The following SH3TC2 variants were observed in gnomAD, a reference collection of about 807,000 sequenced individuals.
SH3TC2 encodes SH3 domain and tetratricopeptide repeat-containing protein 2.
SH3TC2 carries 87 observed loss-of-function variants against 124.5 expected under a neutral mutation model. The ratio of observed to expected loss-of-function variants is 0.70; its 90% CI spans 0.59 to 0.84. The LOEUF is 0.84. Ranked by LOEUF, SH3TC2 falls within the 40% of genes least tolerant of loss-of-function variation. The probability of loss-of-function intolerance (pLI) is 0.00; values close to 1 mark genes in which losing one functional copy is unlikely to be tolerated. For missense variants in SH3TC2, 1,536 were observed against 1,566.4 expected, an observed-to-expected ratio of 0.98 and a Z score of 0.33; for synonymous variants, 634 against 628.5, an observed-to-expected ratio of 1.01 and a Z score of -0.13.
intron 1 of SH3TC2, among the ~76,000 whole-genome samples, chr5:149,059,412 T>G (rs896404069): frequency 6.6e-6 from 1 of 152,144 alleles, no homozygotes; most frequent in Non-Finnish European, 1.5e-5. Flanking sequence ...AGCCTCTCTT[T>G]GCTCCTACCC....
chr5:148,997,083 A>G lies in SH3TC2; in HGVS notation c.*7628T>C, dbSNP rs1363818756. ...CCAGGCTATTTGTTTTGCAACACAT[A>G]TTTGGATGAGAAGGATGTTCCTAAT... is the stretch of plus-strand genomic sequence containing the variant. On this transcript the variant is annotated 3_prime_UTR_variant, in exon 17 of 17. Transcript: ENST00000515425. Among the ~76,000 whole-genome samples, 1 of 152,246 alleles carries G rather than the reference A, an allele frequency of 6.6e-6. No individual in the cohort carries two copies. Among genetic ancestry groups the G allele is most frequent in the Non-Finnish European group, 1.5e-5 (1 of 68,048 alleles).
At chr5:149,045,066 GA>G in intron 3 of SH3TC2, 1 of 160,926 alleles carries the variant, frequency 6.2e-6, no homozygotes, top group South Asian at 1.7e-4. Flanking sequence ...TATGTCTAAT[GA>G]TTATTTTTAT....
At chr5:149,016,450 T>A (rs1386213596) in intron 12 of SH3TC2, among the ~76,000 whole-genome samples, 1 of 152,082 alleles carries the variant, frequency 6.6e-6, no homozygotes, top group Non-Finnish European at 1.5e-5. Flanking sequence ...GAAACTGGGG[T>A]GGTAGTGTGC....
At chr5:149,053,545 T>C (rs1289354999) in intron 1 of SH3TC2, among the ~76,000 whole-genome samples, 1 of 152,202 alleles carries the variant, frequency 6.6e-6, no homozygotes, top group East Asian at 1.9e-4. Context: ...ATGAGCTATA[T>C]AGTTGAACAG....
chr5:149,034,478 GAAGA>G, intron 8 of SH3TC2: 3 of 412,342 alleles, frequency 7.3e-6, no homozygotes, highest in South Asian at 3.6e-5. Context: ...TTCCAGAATT[GAAGA>G]AAGACATGAA....
Position 148,984,695 on chromosome 5 carries a change from G to T in SH3TC2, c.*20016C>A, listed in dbSNP as rs1753306172. On this transcript the variant is annotated 3_prime_UTR_variant, in exon 17 of 17. Coordinates refer to ENST00000515425, the MANE Select transcript of SH3TC2 (RefSeq NM_024577.4). ...CCCTGAAGGGTAAATGTCCACATTT[G>T]CTTAGATGTTTAGTGGGTATTCCAA... 1.3e-5 allele frequency among the ~76,000 whole-genome samples: 2 copies of T among 152,148 alleles called. No homozygotes were observed. Among genetic ancestry groups the T allele is most frequent in the Non-Finnish European group, 2.9e-5 (2 of 68,024 alleles).
intron 1 of SH3TC2, among the ~76,000 whole-genome samples, chr5:149,059,954 T>G (rs1754716961): frequency 6.6e-6 from 1 of 152,244 alleles, no homozygotes; most frequent in African/African-American, 2.4e-5. Context: ...CTAACTATTC[T>G]AATATCCTCT....
chr5:149,013,167 C>T (rs1454608811), intron 12 of SH3TC2, among the ~76,000 whole-genome samples: 1 of 151,890 alleles, frequency 6.6e-6, no homozygotes, highest in African/African-American at 2.4e-5. Context: ...TGGCTGTGTC[C>T]CCACCTAAAT....
rs1186665016 is a variant in SH3TC2, at chr5:149,052,132, A to G, written c.151+10T>C. ...TGGAAGAATAGGGCTTGTCTTTGGCATTTGGATACCTGGATTAATGTTCTG... is the reference window on the plus strand; with the variant it reads ...TGGAAGAATAGGGCTTGTCTTTGGCGTTTGGATACCTGGATTAATGTTCTG... On this transcript the variant is annotated intron_variant, in intron 2 of 16. Coordinates refer to ENST00000515425, the MANE Select transcript of SH3TC2 (RefSeq NM_024577.4). The G allele has an allele frequency of 1.9e-6, 3 of 1,585,786 alleles. No individual in the cohort carries two copies. The highest frequency in any genetic ancestry group is 2.6e-6 in the Non-Finnish European group (3 of 1,154,328).
At position 149,012,690 on chromosome 5, in the gene SH3TC2, A is replaced by T. The variant is rs1382789865; in HGVS notation, c.3098T>A (p.Ile1033Asn). ...SLTCIKESLRIFIDLGETDKA... is the reference protein window; with the variant it reads ...SLTCIKESLRNFIDLGETDKA... ...GTCTGTCTCCCCCAGGTCAATGAAGATACGCAGGCTCTCCTTGATGCATGT... is the reference window on the plus strand; with the variant it reads ...GTCTGTCTCCCCCAGGTCAATGAAGTTACGCAGGCTCTCCTTGATGCATGT... The change falls in exon 13 of 17, where the codon ATC becomes AAC. Residue 1033 changes from isoleucine to asparagine, a missense_variant. Coordinates refer to ENST00000515425, the MANE Select transcript of SH3TC2 (RefSeq NM_024577.4). The T allele has an allele frequency of 6.2e-7, 1 of 1,614,136 alleles. No individual in the cohort carries two copies. Among genetic ancestry groups the T allele is most frequent in the Admixed American group, 1.7e-5 (1 of 60,018 alleles).
chr5:148,983,357 AT>A lies in SH3TC2; in HGVS notation c.*21353del, dbSNP rs1561748005. On this transcript the variant is annotated 3_prime_UTR_variant, in exon 17 of 17. Coordinates refer to ENST00000515425, the MANE Select transcript of SH3TC2 (RefSeq NM_024577.4). ...TACACCTGTGGCCTAAGATATGGTA[AT>A]GGAGGGAACAGACCAGGTTCTGAGT... Among the ~76,000 whole-genome samples, 1 of 152,172 alleles carries A rather than the reference AT, an allele frequency of 6.6e-6. No homozygotes were observed.
In SH3TC2 at chr5:148,989,791, T is replaced by C. The variant is rs781620962; in HGVS notation, c.*14920A>G. Among the ~76,000 whole-genome samples the C allele has an allele frequency of 6.6e-6, 1 of 152,118 alleles. No individual in the cohort carries two copies. The highest frequency in any genetic ancestry group is 2.4e-5 in the African/African-American group (1 of 41,432). On this transcript the variant is annotated 3_prime_UTR_variant, in exon 17 of 17. Coordinates refer to ENST00000515425, the MANE Select transcript of SH3TC2 (RefSeq NM_024577.4). ...CAGGGACCCAAGAGCTTCAACAATC[T>C]GGTATTCAGAAGCAGCTGGAATGAA...
At chr5:149,005,054 G>A in intron 16 of SH3TC2, 152 bp from the exon 17 acceptor site, 1 of 891,726 alleles carries the variant, frequency 1.1e-6, no homozygotes, top group South Asian at 1.5e-5. Context: ...TGAGTCCTTA[G>A]GGAGCCCCTC....
intron 12 of SH3TC2, among the ~76,000 whole-genome samples, chr5:149,024,262 A>G (rs1754026469): frequency 6.6e-6 from 1 of 152,236 alleles, no homozygotes; most frequent in Admixed American, 6.5e-5. Flanking sequence ...GCTGTGAGCT[A>G]GTGAACTAAG....
Position 149,004,177 on chromosome 5 carries a change from T to A in SH3TC2, c.*534A>T, listed in dbSNP as rs1561755799. The A allele has an allele frequency of 5.7e-6, 1 of 174,958 alleles. No individual in the cohort carries two copies. Among genetic ancestry groups the A allele is most frequent in the Non-Finnish European group, 1.2e-5 (1 of 81,294 alleles). The allele number at this position is 174,958 out of a possible 1,614,324, so 10.8% of individuals were successfully genotyped here. On this transcript the variant is annotated 3_prime_UTR_variant, in exon 17 of 17. Coordinates refer to ENST00000515425, the MANE Select transcript of SH3TC2 (RefSeq NM_024577.4). ...TGAGGCTGTGTCTTTTGAGCTAAGATCCTGGTGAATTCTCTCCTGTCAATC... is the reference window on the plus strand; with the variant it reads ...TGAGGCTGTGTCTTTTGAGCTAAGAACCTGGTGAATTCTCTCCTGTCAATC...
rs559399122 is a variant in SH3TC2 at position 148,995,984 on chromosome 5, G to C, written c.*8727C>G. Among the ~76,000 whole-genome samples the C allele has an allele frequency of 6.6e-6, 1 of 151,934 alleles. No homozygotes were observed. Among genetic ancestry groups the C allele is most frequent in the Non-Finnish European group, 1.5e-5 (1 of 68,008 alleles). On this transcript the variant is annotated 3_prime_UTR_variant, in exon 17 of 17. Coordinates refer to ENST00000515425, the MANE Select transcript of SH3TC2 (RefSeq NM_024577.4). ...TGGCCGGGTGCCATGGCTCACACCT[G>C]TTACCCCAGCACTTTGGAAGGCTGA... is the stretch of plus-strand genomic sequence containing the variant.
rs529864542 is a variant in SH3TC2 at position 149,043,214 on chromosome 5, G to T, written c.386-377C>A. On this transcript the variant is annotated intron_variant, in intron 4 of 16. Transcript: ENST00000515425. ...CCCCCTTAAAGTTCTCCTGACCTGA[G>T]GTTCAAACTACTGTGTCCCTGATGA... 3.3e-5 allele frequency among the ~76,000 whole-genome samples: 5 copies of T among 152,246 alleles called. No homozygotes were observed. In the South Asian group the frequency reaches 1.0e-3, roughly 32 times the overall value.
At chr5:149,025,846 C>A (rs1033336646) in intron 12 of SH3TC2, 8 of 152,258 alleles carry the variant, frequency 5.3e-5, no homozygotes, top group Admixed American at 2.0e-4. Flanking sequence ...AAATCAATCA[C>A]AAAACAAAGA....
In SH3TC2 at chr5:149,059,864, A is replaced by G. The variant is rs7718739; in HGVS notation, c.52+3107T>C. ...TATGTTTATGATGTTTTATTTCTTC[A>G]AAAAGTAAGAGAAAGAAAAAGGTAA... On this transcript the variant is annotated intron_variant, in intron 1 of 16. Coordinates refer to ENST00000515425, the MANE Select transcript of SH3TC2 (RefSeq NM_024577.4). Among the ~76,000 whole-genome samples the G allele has an allele frequency of 9.9e-3, 1,511 of 152,312 alleles. 23 individuals are homozygous for G. Among genetic ancestry groups the G allele is most frequent in the African/African-American group, 0.034 (1,430 of 41,566 alleles).
Sources: gnomAD v4.1 joint callset for allele counts (sites outside exome capture counted in the v4.1 genomes callset) on GRCh38, gnomAD v4.1.1 for gene constraint, MANE v1.5 for transcripts, NCBI Gene and HGNC (gene_info 2026-07-23, HGNC 2026-07-21) for gene names.